The following WWOX variants were observed in gnomAD, a reference collection of about 807,000 sequenced individuals.
WWOX encodes the protein WW domain containing oxidoreductase.
In WWOX, 69 loss-of-function variants were observed where a neutral mutation model predicts 46.2. The observed-to-expected ratio is 1.49, with a 90% confidence interval of 1.23 to 1.82. The LOEUF is 1.82. Among genes scored for constraint, WWOX ranks in the 40% most tolerant of loss-of-function variants. WWOX has a pLI of 0.00. For missense variants in WWOX, 919 were observed against 542.6 expected (o/e 1.69, Z -6.89); for synonymous variants, 359 against 202.6 (o/e 1.77, Z -6.56).
At chr16:78,501,699 G>T (rs1469564374) in intron 8 of WWOX, among the ~76,000 whole-genome samples, 1 of 151,964 alleles carries the variant, frequency 6.6e-6, no homozygotes, top group Non-Finnish European at 1.5e-5. Context: ...ACCATGCTTG[G>T]GTAATTTTTG....
rs1027700109 is a variant in WWOX at position 78,998,347 on chromosome 16, G to C, written c.1057-213261G>C. On this transcript the variant is annotated intron_variant, in intron 8 of 8. Coordinates refer to ENST00000566780, the MANE Select transcript of WWOX (RefSeq NM_016373.4). ...GGGCTCTGAGCTTCTTGAGTGAAGG[G>C]TCTGTGGGTTTTCACGCTTTGTACT... is the stretch of plus-strand genomic sequence containing the variant. 3.3e-5 allele frequency among the ~76,000 whole-genome samples: 5 copies of C among 152,290 alleles called. No individual in the cohort carries two copies. The South Asian group carries it at 1.0e-3, about 32-fold the overall frequency.
chr16:78,125,685 G>C (rs1371058415), intron 4 of WWOX, among the ~76,000 whole-genome samples: 1 of 152,108 alleles, frequency 6.6e-6, no homozygotes, highest in Non-Finnish European at 1.5e-5. Flanking sequence ...AACATAGCAA[G>C]ACCCCATCTC....
intron 6 of WWOX, among the ~76,000 whole-genome samples, chr16:78,411,736 A>C (rs1385969796): frequency 6.6e-6 from 1 of 152,224 alleles, no homozygotes; most frequent in Non-Finnish European, 1.5e-5. Context: ...TGACAAGACC[A>C]GGTGTGGGCT....
intron 8 of WWOX, among the ~76,000 whole-genome samples, chr16:79,105,289 G>C (rs566039034): frequency 6.6e-6 from 1 of 152,116 alleles, no homozygotes; most frequent in Non-Finnish European, 1.5e-5. Context: ...ATTTCTTTTA[G>C]ATGTAGAAAG....
intron 8 of WWOX, chr16:78,899,405 C>G (rs1055802753): frequency 1.3e-5 from 2 of 152,184 alleles, no homozygotes; most frequent in African/African-American, 4.8e-5. Flanking sequence ...GAAACCTGGC[C>G]TGTTTATTTA....
At chr16:78,931,037 T>G (rs1015936957) in intron 8 of WWOX, among the ~76,000 whole-genome samples, 1 of 152,194 alleles carries the variant, frequency 6.6e-6, no homozygotes, top group African/African-American at 2.4e-5. Context: ...GATGTGAGTA[T>G]CACATGAGAA....
chr16:78,569,615 C>G (rs755556286), intron 8 of WWOX, among the ~76,000 whole-genome samples: 2 of 152,200 alleles, frequency 1.3e-5, no homozygotes, highest in African/African-American at 2.4e-5. Context: ...CGCTGTACTT[C>G]TCAATACTAC....
chr16:78,318,450 A>G (rs1159852834), intron 5 of WWOX, among the ~76,000 whole-genome samples: 4 of 151,524 alleles, frequency 2.6e-5, no homozygotes, highest in Admixed American at 2.6e-4. Context: ...AAATAATATT[A>G]TTCTGTTGTT....
chr16:78,774,553 C>A (rs1425601577), intron 8 of WWOX, among the ~76,000 whole-genome samples: 1 of 150,998 alleles, frequency 6.6e-6, no homozygotes, highest in Non-Finnish European at 1.5e-5. Context: ...CACGCATGAG[C>A]CTGTACGTGT....
At chr16:78,915,622 G>T (rs2045231179) in intron 8 of WWOX, among the ~76,000 whole-genome samples, 1 of 152,026 alleles carries the variant, frequency 6.6e-6, no homozygotes, top group South Asian at 2.1e-4. Context: ...AACAGACAGT[G>T]TTATCAGTCA....
intron 8 of WWOX, among the ~76,000 whole-genome samples, chr16:79,080,059 A>G (rs896416513): frequency 3.3e-5 from 5 of 152,208 alleles, no homozygotes; most frequent in African/African-American, 9.6e-5. Context: ...TATACAAAAC[A>G]GAAAAATCAT....
chr16:78,743,075 G>A (rs527894232), intron 8 of WWOX, among the ~76,000 whole-genome samples: 8 of 152,030 alleles, frequency 5.3e-5, no homozygotes, highest in African/African-American at 1.9e-4. Flanking sequence ...AAGTGAACCC[G>A]ATCAGCCCCC....
chr16:78,498,283 T>C (rs1188891276), intron 8 of WWOX, among the ~76,000 whole-genome samples: 1 of 152,132 alleles, frequency 6.6e-6, no homozygotes, highest in Admixed American at 6.6e-5. Context: ...TTAGACTTCT[T>C]AAAGCGTATT....
chr16:78,111,029 G>A (rs1485578035), intron 3 of WWOX, among the ~76,000 whole-genome samples: 1 of 151,398 alleles, frequency 6.6e-6, no homozygotes, highest in Non-Finnish European at 1.5e-5. Flanking sequence ...TTAAAGTTAT[G>A]AATGTAACAT....
At chr16:78,505,783 C>T (rs1439951544) in intron 8 of WWOX, among the ~76,000 whole-genome samples, 1 of 152,132 alleles carries the variant, frequency 6.6e-6, no homozygotes, top group African/African-American at 2.4e-5. Flanking sequence ...CAACTAGTTC[C>T]AGCTGGCCCA....
rs757841119 is a variant in WWOX at position 78,099,654 on chromosome 16, G to C, written c.-125G>C. 2 of 1,233,170 alleles carry C rather than the reference G, an allele frequency of 1.6e-6. No individual in the cohort carries two copies. Among genetic ancestry groups the C allele is most frequent in the Non-Finnish European group, 2.1e-6 (2 of 931,792 alleles). The allele number at this position is 1,233,170 out of a possible 1,614,324, so 76.4% of individuals were successfully genotyped here. ...GTCGGCGGAGCGGCCCCTGGAGGGCGCAGTGCGCAGGCGTGAGCGGTCGGG... is the reference window on the plus strand; with the variant it reads ...GTCGGCGGAGCGGCCCCTGGAGGGCCCAGTGCGCAGGCGTGAGCGGTCGGG... On this transcript the variant is annotated 5_prime_UTR_variant, in exon 1 of 9. Coordinates refer to ENST00000566780, the MANE Select transcript of WWOX (RefSeq NM_016373.4).
chr16:78,226,475 T>TCTTC (rs2037059512), intron 5 of WWOX, among the ~76,000 whole-genome samples: 1 of 145,200 alleles, frequency 6.9e-6, no homozygotes, highest in East Asian at 2.0e-4. Flanking sequence ...TCCTGTCCTG[T>TCTTC]CCTGTCTTCC....
chr16:79,161,444 G>A (rs1431764741), intron 8 of WWOX, among the ~76,000 whole-genome samples: 3 of 152,154 alleles, frequency 2.0e-5, no homozygotes, highest in Non-Finnish European at 2.9e-5. Context: ...TAAAGAGAGA[G>A]GAGGAGTAGG....
At chr16:78,504,122 A>G (rs16947813) in intron 8 of WWOX, among the ~76,000 whole-genome samples, 3,434 of 152,300 alleles carry the variant, frequency 0.023, 127 homozygotes, top group African/African-American at 0.079. Context: ...AATGACTTCA[A>G]AGATACAAAG....
Sources: gnomAD v4.1 joint callset for allele counts (sites outside exome capture counted in the v4.1 genomes callset) on GRCh38, gnomAD v4.1.1 for gene constraint, MANE v1.5 for transcripts, NCBI Gene and HGNC (gene_info 2026-07-23, HGNC 2026-07-21) for gene names.